The following PEAK1 variants were observed in gnomAD, a reference collection of about 807,000 sequenced individuals.
The protein encoded by PEAK1 is inactive tyrosine-protein kinase PEAK1.
PEAK1 carries 54 observed loss-of-function variants against 124.7 expected under a neutral mutation model. The observed-to-expected ratio is 0.43, with a 90% confidence interval of 0.35 to 0.54. PEAK1 has a LOEUF of 0.54. PEAK1 is among the 20% of genes least tolerant of loss of function. PEAK1 has a pLI of 0.01. For missense variants in PEAK1, 2,046 were observed against 2,134.5 expected, an observed-to-expected ratio of 0.96 and a Z score of 0.82; for synonymous variants, 719 against 760.0, an observed-to-expected ratio of 0.95 and a Z score of 0.89.
intron 7 of PEAK1, among the ~76,000 whole-genome samples, chr15:77,174,947 A>G (rs1490167388): frequency 6.6e-6 from 1 of 151,666 alleles, no homozygotes; most frequent in East Asian, 1.9e-4. Flanking sequence ...AAATAACGCC[A>G]CATATCTACA....
At chr15:77,226,425 GTCC>G (rs2059680706) in intron 6 of PEAK1, among the ~76,000 whole-genome samples, 1 of 151,820 alleles carries the variant, frequency 6.6e-6, no homozygotes, top group South Asian at 2.1e-4. Flanking sequence ...GTAAGTTTAT[GTCC>G]CAAGTTCATG....
At chr15:77,417,676 C>G (rs2072999702) in intron 1 of PEAK1, 1 of 985,306 alleles carries the variant, frequency 1.0e-6, no homozygotes, top group Admixed American at 6.1e-5. Context: ...TGGCAGGTAT[C>G]AACACAAATG....
In PEAK1 at chr15:77,283,977, G is replaced by A. The variant is rs2062796643; in HGVS notation, c.-369C>T. 1.0e-6 allele frequency: 1 copy of A among 983,394 alleles called. No individual in the cohort carries two copies. Among genetic ancestry groups the A allele is most frequent in the Admixed American group, 6.2e-5 (1 of 16,228 alleles). 60.9% of individuals were successfully genotyped at this position (983,394 alleles called of 1,614,324 possible). A position where few individuals can be genotyped will look rare whatever the true frequency, so the allele number is the denominator to read the frequency against. ...TTCTTGGATTTTTTCATAAATCATTGAATTCTCACTTTCTCACAAAATGGT... is the reference window on the plus strand; with the variant it reads ...TTCTTGGATTTTTTCATAAATCATTAAATTCTCACTTTCTCACAAAATGGT... On this transcript the variant is annotated 5_prime_UTR_variant, in exon 5 of 10. Coordinates refer to ENST00000682557, the MANE Select transcript of PEAK1 (RefSeq NM_001385026.1).
At chr15:77,160,470 G>C (rs1190987019) in intron 7 of PEAK1, among the ~76,000 whole-genome samples, 3 of 152,150 alleles carry the variant, frequency 2.0e-5, no homozygotes, top group East Asian at 3.9e-4. Context: ...GAGGTCAAGA[G>C]ATGGAGACCA....
At chr15:77,266,255 T>A (rs1205172100) in intron 5 of PEAK1, among the ~76,000 whole-genome samples, 1 of 150,194 alleles carries the variant, frequency 6.7e-6, no homozygotes, top group Non-Finnish European at 1.5e-5. Flanking sequence ...AGTATAATAA[T>A]AAAAAAAAAT....
At chr15:77,356,821 A>G (rs1393485230) in intron 2 of PEAK1, among the ~76,000 whole-genome samples, 1 of 152,272 alleles carries the variant, frequency 6.6e-6, no homozygotes, top group Non-Finnish European at 1.5e-5. Context: ...TTTATTCAAC[A>G]TGACTTTTAC....
chr15:77,408,846 G>T (rs975255562), intron 1 of PEAK1, among the ~76,000 whole-genome samples: 10 of 152,172 alleles, frequency 6.6e-5, no homozygotes, highest in Non-Finnish European at 1.5e-4. Context: ...TGAGGCGGGA[G>T]GATCACCTGA....
At chr15:77,390,241 T>C (rs2070338860) in intron 1 of PEAK1, among the ~76,000 whole-genome samples, 1 of 152,118 alleles carries the variant, frequency 6.6e-6, no homozygotes, top group Non-Finnish European at 1.5e-5. Context: ...AAGTGGAGCA[T>C]CATATTCACC....
chr15:77,211,848 C>CAA (rs34360713), intron 6 of PEAK1, among the ~76,000 whole-genome samples: 630 of 46,648 alleles, frequency 0.014, 8 homozygotes, highest in African/African-American at 0.025. Context: ...AACTCCATCT[C>CAA]AAAAAAAAAA....
intron 2 of PEAK1, among the ~76,000 whole-genome samples, chr15:77,345,164 A>G (rs2066794412): frequency 6.6e-6 from 1 of 152,160 alleles, no homozygotes; most frequent in South Asian, 2.1e-4. Context: ...TTAAGATGTT[A>G]GTTGTGGCTT....
chr15:77,167,126 A>G (rs1377645937), intron 7 of PEAK1, among the ~76,000 whole-genome samples: 1 of 152,258 alleles, frequency 6.6e-6, no homozygotes, highest in Non-Finnish European at 1.5e-5. Context: ...GTATACAAGC[A>G]GCAAGGTGTG....
intron 2 of PEAK1, among the ~76,000 whole-genome samples, chr15:77,325,254 A>C (rs1024554755): frequency 1.3e-5 from 2 of 151,962 alleles, no homozygotes; most frequent in African/African-American, 4.8e-5. Context: ...GTCTCTATAA[A>C]AATAAATTAG....
chr15:77,345,431 T>C (rs1423956162), intron 2 of PEAK1, among the ~76,000 whole-genome samples: 1 of 152,184 alleles, frequency 6.6e-6, no homozygotes, highest in Non-Finnish European at 1.5e-5. Context: ...CAGAATTTAG[T>C]GACACAAACT....
chr15:77,322,100 T>C (rs1301427048), intron 2 of PEAK1, among the ~76,000 whole-genome samples: 1 of 152,076 alleles, frequency 6.6e-6, no homozygotes, highest in Non-Finnish European at 1.5e-5. Context: ...AGACACAACA[T>C]ACCAGAATCT....
intron 2 of PEAK1, 125 bp from the exon 3 acceptor site, chr15:77,286,629 C>G: frequency 2.2e-6 from 1 of 455,738 alleles, no homozygotes; most frequent in Non-Finnish European, 3.6e-6. Context: ...ATTTGATGAA[C>G]TTATTTTTAA....
At chr15:77,161,140 C>T (rs1431855224) in intron 7 of PEAK1, among the ~76,000 whole-genome samples, 1 of 152,174 alleles carries the variant, frequency 6.6e-6, no homozygotes, top group Admixed American at 6.5e-5. Flanking sequence ...AACACAATTC[C>T]CCATTAAAGG....
chr15:77,403,837 C>A (rs1236939806), intron 1 of PEAK1: 1 of 984,466 alleles, frequency 1.0e-6, no homozygotes, highest in South Asian at 4.7e-5. Flanking sequence ...TATCCCTAAC[C>A]TTTATGCCCA....
intron 9 of PEAK1, among the ~76,000 whole-genome samples, chr15:77,128,462 G>A (rs1443493502): frequency 6.6e-6 from 1 of 152,224 alleles, no homozygotes; most frequent in Non-Finnish European, 1.5e-5. Flanking sequence ...GGGTGAAGCT[G>A]CCTCTTGAGA....
intron 9 of PEAK1, among the ~76,000 whole-genome samples, chr15:77,115,601 A>G (rs2152711381): frequency 6.7e-6 from 1 of 148,492 alleles, no homozygotes; most frequent in East Asian, 2.0e-4. Context: ...AAAGAAAAAA[A>G]GCCCGGGGTT....
Sources: allele counts gnomAD v4.1 joint callset (sites outside exome capture counted in the v4.1 genomes callset), GRCh38; gene constraint gnomAD v4.1.1; transcripts MANE v1.5; gene names NCBI Gene and HGNC (gene_info 2026-07-23, HGNC 2026-07-21).